CLDN16: variants seen among roughly 807,000 people sequenced by gnomAD.
CLDN16 encodes claudin-16.
CLDN16 carries 13 observed loss-of-function variants against 24.6 expected under a neutral mutation model. The observed-to-expected ratio is 0.53, with a 90% confidence interval of 0.34 to 0.84. The LOEUF is 0.84. CLDN16 is among the 40% of genes least tolerant of loss of function. The pLI is 0.01. For missense variants in CLDN16, 298 were observed against 292.7 expected (o/e 1.02, Z -0.13); for synonymous variants, 116 against 106.7 (o/e 1.09, Z -0.54).
chr3:190,336,676 T>G (rs1717313727), intron 1 of CLDN16, among the ~76,000 whole-genome samples: 1 of 152,188 alleles, frequency 6.6e-6, no homozygotes, highest in Non-Finnish European at 1.5e-5. Context: ...AAAGGTTTTG[T>G]GTGGAGTCTC....
At chr3:190,354,394 C>T (rs1156433379) in intron 1 of CLDN16, among the ~76,000 whole-genome samples, 3 of 151,874 alleles carry the variant, frequency 2.0e-5, no homozygotes, top group East Asian at 1.9e-4. Flanking sequence ...TCCCCTTTTA[C>T]GGAGGTGGAA....
At chr3:190,320,834 T>A (rs1716898260), upstream of CLDN16, among the ~76,000 whole-genome samples, 1 of 152,104 alleles carries the variant, frequency 6.6e-6, no homozygotes, top group Non-Finnish European at 1.5e-5. Context: ...TTAAAGGGCA[T>A]AACAGACACA....
intron 1 of CLDN16, among the ~76,000 whole-genome samples, chr3:190,398,818 A>T (rs1718885852): frequency 6.6e-6 from 1 of 152,234 alleles, no homozygotes; most frequent in Non-Finnish European, 1.5e-5. Flanking sequence ...ATTGAGGATC[A>T]AAAAAGGTAA....
intron 1 of CLDN16, among the ~76,000 whole-genome samples, chr3:190,346,128 CCCTT>C (rs1717545115): frequency 6.6e-6 from 1 of 150,966 alleles, no homozygotes; most frequent in Admixed American, 6.6e-5. Context: ...GGAAGGAACT[CCCTT>C]AAAGAAGGAA....
chr3:190,400,945 G>T (rs1327835303), intron 1 of CLDN16, among the ~76,000 whole-genome samples: 1 of 152,058 alleles, frequency 6.6e-6, no homozygotes, highest in Non-Finnish European at 1.5e-5. Context: ...CTTTCTTGGG[G>T]TTACTTAACT....
chr3:190,335,491 G>T (rs1330723148), intron 1 of CLDN16, among the ~76,000 whole-genome samples: 4 of 151,956 alleles, frequency 2.6e-5, no homozygotes, highest in Non-Finnish European at 5.9e-5. Flanking sequence ...GAAACGGGTG[G>T]ATCATGAGGT....
At chr3:190,373,349 C>T (rs1271254577) in intron 2 of CLDN16, among the ~76,000 whole-genome samples, 1 of 151,914 alleles carries the variant, frequency 6.6e-6, no homozygotes, top group East Asian at 1.9e-4. Context: ...TTACTTTACA[C>T]CTACGACCAC....
At chr3:190,394,795 A>G (rs1392204323) in intron 1 of CLDN16, among the ~76,000 whole-genome samples, 5 of 152,190 alleles carry the variant, frequency 3.3e-5, no homozygotes, top group Non-Finnish European at 5.9e-5. Context: ...CTGTAATGAA[A>G]TGATCATTTT....
Position 190,404,886 on chromosome 3 carries a change from C to T in CLDN16, c.342C>T (p.Val114=), listed in dbSNP as rs1308642000. The change falls in exon 3 of 5, where the codon GTC becomes GTT. Residue 114 remains valine (V), a synonymous_variant. Coordinates refer to ENST00000264734, the MANE Select transcript of CLDN16 (RefSeq NM_006580.4). ...KFLPDEPYIK[V]RICFVAGATL... ...TCCCTGATGAGCCGTACATTAAAGT[C>T]CGCATCTGCTTTGTTGCTGGAGCCA... 8.1e-6 allele frequency: 13 copies of T among 1,614,004 alleles called. No homozygotes were observed. Among genetic ancestry groups the T allele is most frequent in the Non-Finnish European group, 1.0e-5 (12 of 1,180,028 alleles).
chr3:190,293,777 CAG>C, the CLDN16 span, among the ~76,000 whole-genome samples: 1 of 152,246 alleles, frequency 6.6e-6, no homozygotes, highest in South Asian at 2.1e-4. Flanking sequence ...GCTAAAGAAA[CAG>C]AGAAACAGTT....
At chr3:190,343,390 A>T (rs139927842) in intron 1 of CLDN16, among the ~76,000 whole-genome samples, 2 of 152,178 alleles carry the variant, frequency 1.3e-5, no homozygotes, top group African/African-American at 4.8e-5. Flanking sequence ...AAAAAAGTAT[A>T]GAAGTTCCTA....
chr3:190,373,943 A>C (rs76138406), intron 2 of CLDN16, among the ~76,000 whole-genome samples: 15,432 of 151,810 alleles, frequency 0.1, 951 homozygotes, highest in Non-Finnish European at 0.14. Flanking sequence ...GACTCATCTT[A>C]CTTGTTAGGA....
At chr3:190,391,993 C>A (rs1404009388) in intron 1 of CLDN16, among the ~76,000 whole-genome samples, 1 of 148,872 alleles carries the variant, frequency 6.7e-6, no homozygotes, top group Non-Finnish European at 1.5e-5. Context: ...AGTCACATTT[C>A]TTGTCTTTGG....
upstream of CLDN16, chr3:190,322,307 G>T: frequency 1.8e-6 from 2 of 1,083,896 alleles, no homozygotes; most frequent in Non-Finnish European, 1.4e-6. Context: ...TGGGCCCCGC[G>T]GAGGAAGTTA....
At chr3:190,308,701 C>A in the CLDN16 span, among the ~76,000 whole-genome samples, 1 of 152,142 alleles carries the variant, frequency 6.6e-6, no homozygotes, top group Admixed American at 6.5e-5. Flanking sequence ...AAGGACTTTT[C>A]CATATATAGG....
upstream of CLDN16, among the ~76,000 whole-genome samples, chr3:190,320,259 A>T (rs1716883178): frequency 6.6e-6 from 1 of 152,232 alleles, no homozygotes; most frequent in Non-Finnish European, 1.5e-5. Flanking sequence ...AACCTATTTA[A>T]AGATGTTGAA....
At chr3:190,310,071 A>G in the CLDN16 span, 1 of 984,562 alleles carries the variant, frequency 1.0e-6, no homozygotes, top group Non-Finnish European at 1.6e-6. Flanking sequence ...AAATTCTTGA[A>G]AGCAAATCTG....
the CLDN16 span, among the ~76,000 whole-genome samples, chr3:190,291,130 C>T: frequency 2.0e-5 from 3 of 152,034 alleles, no homozygotes; most frequent in African/African-American, 4.8e-5. Context: ...GAGGGTACAG[C>T]AAATGTAAAT....
At chr3:190,385,331 A>G (rs1718470023), upstream of CLDN16, among the ~76,000 whole-genome samples, 1 of 152,208 alleles carries the variant, frequency 6.6e-6, no homozygotes, top group Non-Finnish European at 1.5e-5. Flanking sequence ...GTGCACTCAC[A>G]TCCCATCCAT....
Sources: allele counts gnomAD v4.1 joint callset (sites outside exome capture counted in the v4.1 genomes callset), GRCh38; gene constraint gnomAD v4.1.1; transcripts MANE v1.5; gene names NCBI Gene and HGNC (gene_info 2026-07-23, HGNC 2026-07-21).